Variants in PDE4D observed in about 807,000 individuals in gnomAD.
PDE4D encodes the protein 3',5'-cyclic-AMP phosphodiesterase 4D.
PDE4D carries 24 observed loss-of-function variants against 87.4 expected under a neutral mutation model. The ratio of observed to expected loss-of-function variants is 0.27; its 90% CI spans 0.20 to 0.39. PDE4D has a LOEUF of 0.39. PDE4D is among the 10% of genes least tolerant of loss of function. The probability of loss-of-function intolerance (pLI) is 1.00; values close to 1 mark genes in which losing one functional copy is unlikely to be tolerated. For missense variants in PDE4D, 714 were observed against 1,041.0 expected (o/e 0.69, Z 4.32); for synonymous variants, 384 against 383.2 (o/e 1.00, Z -0.02).
At chr5:59,523,557 T>C (rs1812590657) in intron 1 of PDE4D, among the ~76,000 whole-genome samples, 1 of 152,222 alleles carries the variant, frequency 6.6e-6, no homozygotes, top group Admixed American at 6.5e-5. Context: ...ATTACAATCA[T>C]AGATGGTTGC....
intron 1 of PDE4D, among the ~76,000 whole-genome samples, chr5:59,662,106 T>C (rs1745346395): frequency 6.6e-6 from 1 of 152,160 alleles, no homozygotes; most frequent in Non-Finnish European, 1.5e-5. Context: ...AGCCTCTTGC[T>C]CTTTACCCTG....
intron 5 of PDE4D, among the ~76,000 whole-genome samples, chr5:59,148,111 A>T (rs1778938089): frequency 6.6e-6 from 1 of 152,160 alleles, no homozygotes; most frequent in African/African-American, 2.4e-5. Context: ...CAAGTGACAT[A>T]GTTATGTCAC....
At chr5:59,391,642 A>G (rs1430716509) in intron 1 of PDE4D, among the ~76,000 whole-genome samples, 1 of 152,122 alleles carries the variant, frequency 6.6e-6, no homozygotes. Flanking sequence ...AGTAAGATGA[A>G]TAGAGCTCTG....
intron 6 of PDE4D, among the ~76,000 whole-genome samples, chr5:59,036,787 T>C (rs1344914173): frequency 1.3e-5 from 2 of 152,220 alleles, no homozygotes; most frequent in Admixed American, 1.3e-4. Context: ...TGTTAAAAAT[T>C]AGTGTGACAG....
intron 1 of PDE4D, among the ~76,000 whole-genome samples, chr5:60,219,847 C>G (rs1240437658): frequency 1.3e-5 from 2 of 152,164 alleles, no homozygotes; most frequent in East Asian, 3.9e-4. Flanking sequence ...AAATAAGATG[C>G]TTGCAGCTAA....
chr5:59,488,271 G>C (rs1302782252), intron 1 of PDE4D, among the ~76,000 whole-genome samples: 2 of 151,852 alleles, frequency 1.3e-5, no homozygotes, highest in South Asian at 2.1e-4. Flanking sequence ...TCAGGCTGTA[G>C]CTTCGTTTCC....
At chr5:60,157,030 G>T (rs1205209867) in intron 2 of PDE4D, among the ~76,000 whole-genome samples, 2 of 152,028 alleles carry the variant, frequency 1.3e-5, no homozygotes, top group African/African-American at 2.4e-5. Context: ...TATATTAATA[G>T]AATTAAAATA....
chr5:60,274,567 G>C (rs1751171544), intron 1 of PDE4D, among the ~76,000 whole-genome samples: 4 of 152,252 alleles, frequency 2.6e-5, no homozygotes, highest in East Asian at 1.9e-4. Context: ...CACCATGTTG[G>C]CCAGGCTGGT....
chr5:59,580,468 T>C (rs934493281), intron 1 of PDE4D, among the ~76,000 whole-genome samples: 6 of 152,140 alleles, frequency 3.9e-5, no homozygotes, highest in Admixed American at 1.3e-4. Flanking sequence ...TCTAATAAAT[T>C]CTTCTTTTAT....
At chr5:59,631,985 T>TA (rs1831638312) in intron 1 of PDE4D, among the ~76,000 whole-genome samples, 1 of 152,178 alleles carries the variant, frequency 6.6e-6, no homozygotes, top group African/African-American at 2.4e-5. Flanking sequence ...CAAGCTAAGA[T>TA]ACACTGGCTT....
chr5:59,721,887 A>C (rs1755878971), intron 1 of PDE4D, among the ~76,000 whole-genome samples: 1 of 152,158 alleles, frequency 6.6e-6, no homozygotes, highest in Non-Finnish European at 1.5e-5. Context: ...TCACATTCCC[A>C]ATGGGAGTCG....
At chr5:60,468,138 T>TTTTTTTC (rs1268699256) in intron 1 of PDE4D, among the ~76,000 whole-genome samples, 2 of 70,904 alleles carry the variant, frequency 2.8e-5, no homozygotes, top group African/African-American at 1.2e-4. Flanking sequence ...TTCTTTTTTC[T>TTTTTTTC]TTTTTTTTTG....
At chr5:59,833,727 G>C (rs894643580) in intron 1 of PDE4D, among the ~76,000 whole-genome samples, 3 of 151,896 alleles carry the variant, frequency 2.0e-5, no homozygotes, top group Non-Finnish European at 2.9e-5. Flanking sequence ...GTGTGAAAGG[G>C]GTGTGAGAGA....
At chr5:59,526,359 G>A (rs917013167) in intron 1 of PDE4D, among the ~76,000 whole-genome samples, 3 of 152,214 alleles carry the variant, frequency 2.0e-5, no homozygotes, top group African/African-American at 7.2e-5. Flanking sequence ...GGGAGACATG[G>A]ACTGGCATTG....
intron 6 of PDE4D, among the ~76,000 whole-genome samples, chr5:59,029,509 C>T (rs1050901970): frequency 1.7e-4 from 26 of 149,188 alleles, no homozygotes; most frequent in African/African-American, 6.2e-4. Flanking sequence ...ATTTAAACAA[C>T]TGAAGAAGAC....
At chr5:59,654,931 A>G (rs1380679412) in intron 1 of PDE4D, among the ~76,000 whole-genome samples, 2 of 152,184 alleles carry the variant, frequency 1.3e-5, no homozygotes, top group South Asian at 4.1e-4. Flanking sequence ...CATTGTATGA[A>G]TATACCACAT....
intron 2 of PDE4D, among the ~76,000 whole-genome samples, chr5:60,124,547 T>C (rs1279635950): frequency 1.3e-5 from 2 of 152,106 alleles, no homozygotes; most frequent in Non-Finnish European, 2.9e-5. Flanking sequence ...CCTGATATCA[T>C]CTCTTTTCTC....
chr5:59,956,515 A>C (rs548565960), intron 3 of PDE4D, among the ~76,000 whole-genome samples: 70 of 152,228 alleles, frequency 4.6e-4, no homozygotes, highest in Non-Finnish European at 9.4e-4. Flanking sequence ...ACACAGAACC[A>C]AAAGCAGCAG....
chr5:59,001,313 C>T (rs1202639989), intron 6 of PDE4D, among the ~76,000 whole-genome samples: 2 of 152,274 alleles, frequency 1.3e-5, no homozygotes, highest in African/African-American at 4.8e-5. Flanking sequence ...GGTATGGCTA[C>T]TCTGCAGTCT....
Sources: gnomAD v4.1 joint callset for allele counts (sites outside exome capture counted in the v4.1 genomes callset) on GRCh38, gnomAD v4.1.1 for gene constraint, MANE v1.5 for transcripts, NCBI Gene and HGNC (gene_info 2026-07-23, HGNC 2026-07-21) for gene names.